Variants in TGFBR3 observed in about 807,000 individuals in gnomAD.
TGFBR3 encodes the protein transforming growth factor beta receptor 3.
TGFBR3 carries 46 observed loss-of-function variants against 87.9 expected under a neutral mutation model. The observed-to-expected ratio is 0.52, with a 90% CI of 0.41 to 0.67. TGFBR3 has a LOEUF of 0.67. TGFBR3 is among the 30% of genes least tolerant of loss of function. The pLI is 0.00. For synonymous variants in TGFBR3, 381 were observed against 391.6 expected, an observed-to-expected ratio of 0.97 and a Z score of 0.32; for missense variants, 866 against 1,041.9, an observed-to-expected ratio of 0.83 and a Z score of 2.32.
At chr1:91,692,472 T>C (rs1325615012) in intron 16 of TGFBR3, among the ~76,000 whole-genome samples, 1 of 152,112 alleles carries the variant, frequency 6.6e-6, no homozygotes, top group Non-Finnish European at 1.5e-5. Flanking sequence ...TAAAAAGTTT[T>C]ACTAGAAAAT....
chr1:91,802,747 T>C (rs1189759378), intron 2 of TGFBR3, among the ~76,000 whole-genome samples: 3 of 152,158 alleles, frequency 2.0e-5, no homozygotes, highest in Non-Finnish European at 1.5e-5. Context: ...AATCTCAACA[T>C]GCAGAACTCA....
At chr1:91,891,510 A>T (rs1050724102) in intron 2 of TGFBR3, among the ~76,000 whole-genome samples, 2 of 152,080 alleles carry the variant, frequency 1.3e-5, no homozygotes, top group African/African-American at 4.8e-5. Context: ...AGAAAAAAAA[A>T]AAAAACTCGA....
intron 4 of TGFBR3, among the ~76,000 whole-genome samples, chr1:91,746,211 A>G (rs893467236): frequency 2.0e-5 from 3 of 152,218 alleles, no homozygotes; most frequent in Non-Finnish European, 4.4e-5. Flanking sequence ...CTCATCTCCC[A>G]TGGAAACGTT....
intron 14 of TGFBR3, among the ~76,000 whole-genome samples, chr1:91,706,521 G>A (rs558367128): frequency 6.6e-6 from 1 of 152,320 alleles, no homozygotes; most frequent in Admixed American, 6.5e-5. Context: ...GGTCTAAAAA[G>A]GGGAGGAACC....
intron 4 of TGFBR3, among the ~76,000 whole-genome samples, chr1:91,755,453 AC>A (rs1205943869): frequency 6.6e-6 from 1 of 152,128 alleles, no homozygotes; most frequent in Admixed American, 6.5e-5. Flanking sequence ...CGGGAAAAAA[AC>A]CGTTTTCCCT....
In TGFBR3 at chr1:91,695,716, C is replaced by G; in HGVS notation, c.2393G>C (p.Gly798Ala). The G allele has an allele frequency of 2.5e-6, 4 of 1,614,156 alleles. No individual in the cohort carries two copies. Among genetic ancestry groups the G allele is most frequent in the Non-Finnish European group, 3.4e-6 (4 of 1,180,020 alleles). Residue 798 changes from glycine to alanine, a missense_variant, in exon 16 of 17, where the codon GGA (glycine) becomes GCA (alanine). Gly to Ala is a moderately conservative substitution (Grantham distance 60). Transcript: ENST00000212355. ...MGIAFAAFVI[G>A]ALLTGALWYI... is the part of the protein sequence containing the mutation. ...CCACAAGGCCCCCGTCAGGAGTGCT[C>G]CGATCACAAAGGCTGCAAACGCAAT...
chr1:91,681,668 A>G lies in TGFBR3; in HGVS notation c.*2071T>C, dbSNP rs1490288553. ...CAGTAGCTGAAATTAAACATTTCAT[A>G]TGGAGTAACTTAAATTTATCTAAAA... On this transcript the variant is annotated 3_prime_UTR_variant, in exon 17 of 17. Transcript: ENST00000212355. 1 of 442,068 alleles carries G rather than the reference A, an allele frequency of 2.3e-6. No homozygotes were observed. Among genetic ancestry groups the G allele is most frequent in the East Asian group, 7.0e-5 (1 of 14,246 alleles). The allele number at this position is 442,068 out of a possible 1,614,324, so 27.4% of individuals were successfully genotyped here.
intron 1 of TGFBR3, among the ~76,000 whole-genome samples, chr1:91,863,469 T>C (rs1678273762): frequency 6.6e-6 from 1 of 152,188 alleles, no homozygotes; most frequent in Admixed American, 6.5e-5. Flanking sequence ...TTAGTTAATA[T>C]ACATACACAA....
intron 14 of TGFBR3, among the ~76,000 whole-genome samples, chr1:91,702,910 T>C (rs1168497357): frequency 6.6e-6 from 1 of 152,082 alleles, no homozygotes; most frequent in African/African-American, 2.4e-5. Context: ...CTGGGCGTGG[T>C]GGCAGGCACC....
intron 2 of TGFBR3, among the ~76,000 whole-genome samples, chr1:91,802,646 C>T (rs911087239): frequency 6.6e-6 from 1 of 152,170 alleles, no homozygotes; most frequent in Non-Finnish European, 1.5e-5. Context: ...CAGGCGTGAG[C>T]CACCATGCCT....
intron 2 of TGFBR3, among the ~76,000 whole-genome samples, chr1:91,851,531 C>T (rs1163806771): frequency 6.6e-6 from 1 of 152,180 alleles, no homozygotes; most frequent in South Asian, 2.1e-4. Flanking sequence ...CCAAAATCAG[C>T]GTGCTCAGAG....
intron 1 of TGFBR3, among the ~76,000 whole-genome samples, chr1:91,905,586 G>A (rs1679828547): frequency 1.3e-5 from 2 of 151,850 alleles, no homozygotes; most frequent in African/African-American, 4.8e-5. Flanking sequence ...GCGCCCACCA[G>A]CACGCAAAGC....
chr1:91,730,664 T>C (rs956635149), intron 5 of TGFBR3, among the ~76,000 whole-genome samples: 1 of 152,212 alleles, frequency 6.6e-6, no homozygotes, highest in African/African-American at 2.4e-5. Flanking sequence ...ATTTCAACTA[T>C]CAGGAGAAGC....
At chr1:91,871,848 C>A (rs1678593028) in intron 1 of TGFBR3, among the ~76,000 whole-genome samples, 2 of 152,164 alleles carry the variant, frequency 1.3e-5, no homozygotes. Flanking sequence ...TTTTGGGCAA[C>A]TTACTTAAAG....
chr1:91,862,507 G>A (rs534353603), intron 1 of TGFBR3, among the ~76,000 whole-genome samples: 2 of 152,162 alleles, frequency 1.3e-5, no homozygotes, highest in Non-Finnish European at 2.9e-5. Flanking sequence ...AGACTATCTG[G>A]TTACTGGACT....
intron 4 of TGFBR3, among the ~76,000 whole-genome samples, chr1:91,745,253 T>C (rs1471514459): frequency 6.6e-6 from 1 of 152,230 alleles, no homozygotes; most frequent in Admixed American, 6.5e-5. Context: ...AGTATTCCTC[T>C]TCCCTTTTCC....
chr1:91,696,368 T>C (rs1479297292), intron 15 of TGFBR3, among the ~76,000 whole-genome samples: 1 of 152,236 alleles, frequency 6.6e-6, no homozygotes, highest in Non-Finnish European at 1.5e-5. Flanking sequence ...CATATTAAAC[T>C]CTTAATCTTA....
intron 1 of TGFBR3, among the ~76,000 whole-genome samples, chr1:91,871,085 T>G (rs1225727245): frequency 6.6e-6 from 1 of 151,828 alleles, no homozygotes; most frequent in Non-Finnish European, 1.5e-5. Context: ...GTCACCAGCT[T>G]ATAAATCCTG....
At chr1:91,814,419 A>T (rs1181944654) in intron 2 of TGFBR3, among the ~76,000 whole-genome samples, 1 of 152,196 alleles carries the variant, frequency 6.6e-6, no homozygotes, top group Non-Finnish European at 1.5e-5. Flanking sequence ...AATGAATGGA[A>T]GTGTACTTTT....
Sources: gnomAD v4.1 joint callset for allele counts (sites outside exome capture counted in the v4.1 genomes callset) on GRCh38, gnomAD v4.1.1 for gene constraint, MANE v1.5 for transcripts, NCBI Gene and HGNC (gene_info 2026-07-23, HGNC 2026-07-21) for gene names.